HECTD4: variants seen among roughly 807,000 people sequenced by gnomAD.
HECTD4 encodes the protein probable E3 ubiquitin-protein ligase HECTD4.
Under a neutral mutation model 471.5 loss-of-function variants are expected in HECTD4, and 114 were observed. That is an observed-to-expected ratio of 0.24 (90% CI 0.21 to 0.28). The LOEUF (loss-of-function observed/expected upper bound fraction) is 0.28, where lower values mean the gene tolerates loss of function less well. Ranked by LOEUF, HECTD4 falls within the 10% of genes least tolerant of loss-of-function variation. The pLI is 1.00. For synonymous variants in HECTD4, 2,012 were observed against 2,256.0 expected, an observed-to-expected ratio of 0.89 and a Z score of 3.07; for missense variants, 3,866 against 5,651.5, an observed-to-expected ratio of 0.68 and a Z score of 10.13.
intron 65 of HECTD4, 29 bp downstream of exon 65, chr12:112,176,567 C>A (rs2137015600): frequency 6.6e-7 from 1 of 1,513,206 alleles, no homozygotes; most frequent in Non-Finnish European, 9.2e-7. Context: ...TAGGTCCCAG[C>A]CCACTCCAGG....
At chr12:112,190,569 T>C (rs2032044371) in intron 60 of HECTD4, among the ~76,000 whole-genome samples, 1 of 152,176 alleles carries the variant, frequency 6.6e-6, no homozygotes, top group Admixed American at 6.5e-5. Flanking sequence ...ATCCTCAAAA[T>C]AATGAAAATA....
At position 112,184,826 on chromosome 12, in the gene HECTD4, G is replaced by A. The variant is rs761068239; in HGVS notation, c.10140C>T (p.Asp3380=). 5.6e-6 allele frequency: 9 copies of A among 1,608,664 alleles called. No homozygotes were observed. Among genetic ancestry groups the A allele is most frequent in the East Asian group, 2.2e-5 (1 of 44,768 alleles). ...GGGCCTGGCAGGCATCGGCGATGGC[G>A]TCACTCGTCACGCCCAGCCCCTGTG... ...KDPQGLGVTS[D]AIADACQALV... is the part of the protein sequence containing the mutation. Residue 3380 remains aspartate, a synonymous_variant, in exon 61 of 76, where the codon GAC becomes GAT. Coordinates refer to ENST00000682272, the MANE Select transcript of HECTD4 (RefSeq NM_001388303.1). This position sits in a 1 kb window ranked among gnomAD's most constrained non-coding sequence, Gnocchi z 9.1.
At chr12:112,252,308 GA>G in intron 23 of HECTD4, 115 bp downstream of exon 23, 1 of 1,058,744 alleles carries the variant, frequency 9.4e-7, no homozygotes, top group Non-Finnish European at 1.3e-6. Flanking sequence ...AACTAGAAGA[GA>G]AAGATGAAAG....
intron 70 of HECTD4, 130 bp downstream of exon 70, chr12:112,169,373 C>CTTCT: frequency 9.3e-7 from 1 of 1,073,494 alleles, no homozygotes; most frequent in Non-Finnish European, 1.3e-6. Context: ...GGGTGCAGAC[C>CTTCT]TGGCTTCTGC....
chr12:112,269,905 A>G, intron 12 of HECTD4, 56 bp from the exon 13 acceptor site: 2 of 1,478,916 alleles, frequency 1.4e-6, no homozygotes, highest in Non-Finnish European at 1.9e-6. Flanking sequence ...GGATAAAATT[A>G]TCTCTACAAA....
intron 23 of HECTD4, 56 bp from the exon 24 acceptor site, chr12:112,251,190 T>C: frequency 6.4e-7 from 1 of 1,552,002 alleles, no homozygotes; most frequent in East Asian, 2.2e-5. Context: ...CAGAGGCTGC[T>C]ACCTGTGCTG....
At chr12:112,373,415 G>C (rs769212401) in intron 1 of HECTD4, among the ~76,000 whole-genome samples, 1 of 151,982 alleles carries the variant, frequency 6.6e-6, no homozygotes, top group African/African-American at 2.4e-5. Context: ...GGAGTTACTC[G>C]GGAGGCTGAG....
At chr12:112,196,782 C>T (rs750016966) in intron 55 of HECTD4, among the ~76,000 whole-genome samples, 3 of 152,074 alleles carry the variant, frequency 2.0e-5, no homozygotes, top group East Asian at 1.9e-4. Context: ...TGTAGAGACA[C>T]GGTCTCTCTC....
intron 6 of HECTD4, 89 bp downstream of exon 6, chr12:112,308,664 C>A: frequency 8.3e-7 from 1 of 1,206,878 alleles, no homozygotes; most frequent in South Asian, 1.6e-5. Flanking sequence ...GAAAATATAT[C>A]AACTGTATTA....
chr12:112,345,364 C>G (rs973153687), intron 1 of HECTD4, among the ~76,000 whole-genome samples: 4 of 151,962 alleles, frequency 2.6e-5, no homozygotes, highest in Non-Finnish European at 5.9e-5. Context: ...AAACAAGACT[C>G]TAACTCCTGT....
chr12:112,165,839 G>T (rs994745997), intron 72 of HECTD4, among the ~76,000 whole-genome samples: 1 of 152,200 alleles, frequency 6.6e-6, no homozygotes, highest in Admixed American at 6.5e-5. Flanking sequence ...GGGCTACCAG[G>T]GAGACGACAG....
At chr12:112,174,689 T>C (rs1199030428) in intron 66 of HECTD4, among the ~76,000 whole-genome samples, 3 of 152,108 alleles carry the variant, frequency 2.0e-5, no homozygotes, top group Non-Finnish European at 4.4e-5. Context: ...CTCAGCCTCC[T>C]GAGTAGCTGG....
intron 52 of HECTD4, 65 bp from the exon 53 acceptor site, chr12:112,204,688 C>T (rs2032523154): frequency 8.0e-7 from 1 of 1,247,256 alleles, no homozygotes; most frequent in Non-Finnish European, 1.1e-6. Context: ...ATGACACTGA[C>T]TTACATGTAG....
At chr12:112,316,533 T>C (rs1207509631) in intron 2 of HECTD4, among the ~76,000 whole-genome samples, 1 of 151,864 alleles carries the variant, frequency 6.6e-6, no homozygotes, top group Non-Finnish European at 1.5e-5. Flanking sequence ...TTCCGTGCAG[T>C]AAGTGAGCAA....
intron 1 of HECTD4, among the ~76,000 whole-genome samples, chr12:112,325,318 G>A (rs1426313405): frequency 6.6e-6 from 1 of 152,152 alleles, no homozygotes; most frequent in Non-Finnish European, 1.5e-5. Context: ...TGACTGTTGT[G>A]TTTATTGATT....
At chr12:112,274,824 A>T (rs2034492730) in intron 10 of HECTD4, 23 bp downstream of exon 10, 1 of 1,420,944 alleles carries the variant, frequency 7.0e-7, no homozygotes, top group Non-Finnish European at 9.7e-7. Context: ...TTTTCCAAAG[A>T]TATGTGCAAG....
At chr12:112,174,708 G>A (rs1271332041) in intron 66 of HECTD4, among the ~76,000 whole-genome samples, 1 of 152,136 alleles carries the variant, frequency 6.6e-6, no homozygotes, top group Non-Finnish European at 1.5e-5. Context: ...GGGATTATAG[G>A]CATGTGCCCC....
chr12:112,366,255 C>T (rs751881110), intron 1 of HECTD4, among the ~76,000 whole-genome samples: 8 of 152,114 alleles, frequency 5.3e-5, no homozygotes, highest in Non-Finnish European at 7.4e-5. Context: ...CACATCTAAT[C>T]CCAGCACTTT....
chr12:112,362,706 A>ATTTT (rs552642665), intron 1 of HECTD4, among the ~76,000 whole-genome samples: 2 of 144,834 alleles, frequency 1.4e-5, no homozygotes, highest in African/African-American at 5.0e-5. Flanking sequence ...TAATTCTAAA[A>ATTTT]TTTTTTTTTT....
Sources: gnomAD v4.1 joint callset for allele counts (sites outside exome capture counted in the v4.1 genomes callset) on GRCh38, gnomAD v4.1.1 for gene constraint, Gnocchi (gnomAD v3.1) non-coding constraint, MANE v1.5 for transcripts, NCBI Gene and HGNC (gene_info 2026-07-23, HGNC 2026-07-21) for gene names.